The following IGSF9B variants were observed in gnomAD, a reference collection of about 807,000 sequenced individuals.
The protein encoded by IGSF9B is immunoglobulin superfamily member 9B.
A neutral mutation model predicts 143.7 loss-of-function variants in IGSF9B; 48 were observed. The observed-to-expected ratio is 0.33, with a 90% CI of 0.26 to 0.42. IGSF9B has a LOEUF of 0.42. Among genes scored for constraint, IGSF9B ranks in the 20% least tolerant of loss-of-function variants. The probability of loss-of-function intolerance (pLI) is 1.00; values close to 1 mark genes in which losing one functional copy is unlikely to be tolerated. For missense variants in IGSF9B, 1,706 were observed against 1,980.0 expected (o/e 0.86, Z 2.63); for synonymous variants, 903 against 833.1 (o/e 1.08, Z -1.44).
intron 3 of IGSF9B, 39 bp from the exon 4 acceptor site, chr11:133,938,000 G>C: frequency 6.2e-7 from 1 of 1,605,166 alleles, no homozygotes; most frequent in Non-Finnish European, 8.5e-7. Context: ...CACGCCATCA[G>C]CCACATCGCT....
In IGSF9B at chr11:133,922,232, A is replaced by G. The variant is rs899093772; in HGVS notation, c.2282-10T>C. On this transcript the variant is annotated splice_polypyrimidine_tract_variant and intron_variant, in intron 16 of 19. Coordinates refer to ENST00000533871, the MANE Select transcript of IGSF9B (RefSeq NM_001277285.4). ...ATGGAGAGTGGAGGGTCTGGAAGGA[A>G]AGAGAAGGGGAGAGGCTGCTGAGGC... 2.5e-6 allele frequency: 4 copies of G among 1,611,918 alleles called. No homozygotes were observed. Among genetic ancestry groups the G allele is most frequent in the Non-Finnish European group, 3.4e-6 (4 of 1,178,976 alleles).
intron 18 of IGSF9B, 104 bp downstream of exon 18, chr11:133,919,638 A>ACGAGCCCTGTCGC (rs1555086789): frequency 9.2e-6 from 7 of 763,480 alleles, no homozygotes; most frequent in Non-Finnish European, 1.3e-5. Context: ...GCATGTCCGC[A>ACGAGCCCTGTCGC]CGAGCCCTGT....
At chr11:133,954,530 T>C (rs1468061208) in intron 1 of IGSF9B, among the ~76,000 whole-genome samples, 1 of 152,172 alleles carries the variant, frequency 6.6e-6, no homozygotes, top group Non-Finnish European at 1.5e-5. Flanking sequence ...GAGAAAATAA[T>C]GTTAATGTTT....
chr11:133,946,170 C>A lies in IGSF9B; in HGVS notation c.153G>T (p.Val51=). 6.2e-7 allele frequency: 1 copy of A among 1,613,602 alleles called. No individual in the cohort carries two copies. The highest frequency in any genetic ancestry group is 8.5e-7 in the Non-Finnish European group (1 of 1,179,786). The change falls in exon 2 of 20, where the codon GTG becomes GTT. Residue 51 remains valine, a synonymous_variant. Transcript: ENST00000533871. ...VVLRCDVIHP[V]TGQPPPYVVE... ...CGACATAGGGTGGGGGCTGTCCCGT[C>A]ACTGGGTGGATCACGTCGCATCGCA...
At chr11:133,924,957 G>A in intron 14 of IGSF9B, 53 bp from the exon 15 acceptor site, 1 of 1,458,296 alleles carries the variant, frequency 6.9e-7, no homozygotes, top group Non-Finnish European at 9.6e-7. Context: ...GATGACCACT[G>A]TCCCCTCACA....
rs750016443 is a variant in IGSF9B at position 133,919,970 on chromosome 11, G to A, written c.3755C>T (p.Thr1252Met). ...PAAVSFSRKS[T>M]PSTGSPSQSS... ...CTGGGAGGGGGAGCCTGTGGACGGCGTAGACTTTCGAGAAAAGCTGACTGC... is the reference window on the plus strand; with the variant it reads ...CTGGGAGGGGGAGCCTGTGGACGGCATAGACTTTCGAGAAAAGCTGACTGC... Residue 1252 changes from threonine to methionine, a missense_variant, in exon 18 of 20, where the codon ACG (threonine) becomes ATG (methionine). By Grantham distance (81) the Thr-to-Met change is moderately conservative. Coordinates refer to ENST00000533871, the MANE Select transcript of IGSF9B (RefSeq NM_001277285.4). 63 of 1,571,008 alleles carry A rather than the reference G, an allele frequency of 4.0e-5. No homozygotes were observed. The highest frequency in any genetic ancestry group is 4.9e-5 in the Non-Finnish European group (57 of 1,158,992).
In IGSF9B at chr11:133,931,920, G is replaced by A; in HGVS notation, c.1111-125C>T. 1 of 1,491,434 alleles carries A rather than the reference G, an allele frequency of 6.7e-7. No individual in the cohort carries two copies. Among genetic ancestry groups the A allele is most frequent in the Non-Finnish European group, 9.0e-7 (1 of 1,109,100 alleles). The allele number at this position is 1,491,434 out of a possible 1,614,324, so 92.4% of individuals were successfully genotyped here. ...CAGGAGCTCCAGCCCGGGGCGGGCG[G>A]CACCCGCAGACCCCTACAGAAGCAG... is the stretch of plus-strand genomic sequence containing the variant. On this transcript the variant is annotated intron_variant, in intron 8 of 19. Transcript: ENST00000533871. The surrounding 1 kb of genome is among the most constrained non-coding windows in gnomAD (Gnocchi z 7.7).
Position 133,946,089 on chromosome 11 carries a change from G to A in IGSF9B, c.234C>T (p.Tyr78=), listed in dbSNP as rs1011931934. 1.9e-6 allele frequency: 3 copies of A among 1,599,146 alleles called. No individual in the cohort carries two copies. The Admixed American group carries it at 5.1e-5, about 27-fold the overall frequency. The part of the protein sequence containing the change: ...PIPIFIKFGY[Y]PPHVDPEYAG... Reference sequence around the variant, plus strand: ...CATACTCAGGGTCCACGTGCGGCGGGTAGTAGCCAAACTTGATGAAGATAG... The same window carrying A: ...CATACTCAGGGTCCACGTGCGGCGGATAGTAGCCAAACTTGATGAAGATAG... Residue 78 remains tyrosine (Y), a synonymous_variant, in exon 2 of 20, where the codon TAC becomes TAT. Transcript: ENST00000533871.
In IGSF9B at chr11:133,909,269, C is replaced by T. The variant is rs1939264503; in HGVS notation, c.4114G>A (p.Ala1372Thr). The change falls in exon 20 of 20, where the codon GCC becomes ACC. Residue 1372 changes from alanine (A) to threonine (T), a missense_variant. Ala to Thr is a moderately conservative substitution (Grantham distance 58). This residue lies in a region of IGSF9B where 880 missense variants were observed against 762.9 expected (regional missense o/e 1.15). Transcript: ENST00000533871. The surrounding 1 kb of genome is among the most constrained non-coding windows in gnomAD (Gnocchi z 4.2). ...TTGGGAAGCTGCTGAGTCTGGGAGG[C>T]AGAATCGTCTAGGAAGAAAGGAAGA... ...SKSKKRSDDS[A>T]SQTQQLPNSQ... The T allele has an allele frequency of 6.5e-7, 1 of 1,535,584 alleles. No individual in the cohort carries two copies. The highest frequency in any genetic ancestry group is 1.4e-5 in the African/African-American group (1 of 73,014).
chr11:133,943,710 A>G (rs972800743), intron 3 of IGSF9B, among the ~76,000 whole-genome samples: 8 of 152,220 alleles, frequency 5.3e-5, no homozygotes, highest in Admixed American at 5.2e-4. Context: ...TCTGCTTGCC[A>G]GTGTTTATCC....
chr11:133,920,323 C>A lies in IGSF9B; in HGVS notation c.3402G>T (p.Gln1134His). ...RPMQPLVSQG[Q>H]LRHTSQGMGI... is the part of the protein sequence containing the mutation. ...CCATGCCTTGGCTTGTATGTCGCAGCTGCCCTTGGCTTACCAGAGGTTGCA... is the reference window on the plus strand; with the variant it reads ...CCATGCCTTGGCTTGTATGTCGCAGATGCCCTTGGCTTACCAGAGGTTGCA... Residue 1134 changes from glutamine (Q) to histidine (H), a missense_variant, in exon 18 of 20, where the codon CAG becomes CAT. By Grantham distance (24) the Gln-to-His change is conservative (BLOSUM62 0). Around this residue, in one of 7 missense-constraint regions of IGSF9B, gnomAD observed 880 missense variants for 762.9 expected, o/e 1.15. Transcript: ENST00000533871. The A allele has an allele frequency of 6.3e-7, 1 of 1,583,286 alleles. No individual in the cohort carries two copies. Among genetic ancestry groups the A allele is most frequent in the South Asian group, 1.1e-5 (1 of 87,868 alleles).
At chr11:133,942,831 G>A (rs1012832823) in intron 3 of IGSF9B, among the ~76,000 whole-genome samples, 7 of 152,156 alleles carry the variant, frequency 4.6e-5, no homozygotes, top group Non-Finnish European at 7.4e-5. Context: ...TTTCAAATAT[G>A]CTTCAATCAG....
chr11:133,931,951 T>C lies in IGSF9B; in HGVS notation c.1110+120A>G. Reference sequence around the variant, plus strand: ...GCAGACCCCTACAGAAGCAGCTCTCTGTTTGCCCAGGGCTTTTGGAAGGGG... The same window carrying C: ...GCAGACCCCTACAGAAGCAGCTCTCCGTTTGCCCAGGGCTTTTGGAAGGGG... On this transcript the variant is annotated intron_variant, in intron 8 of 19. Transcript: ENST00000533871. The surrounding 1 kb of genome is among the most constrained non-coding windows in gnomAD (Gnocchi z 7.7). 1 of 1,495,104 alleles carries C rather than the reference T, an allele frequency of 6.7e-7. No homozygotes were observed. The highest frequency in any genetic ancestry group is 2.3e-5 in the Admixed American group (1 of 42,994). The allele number at this position is 1,495,104 out of a possible 1,614,324, so 92.6% of individuals were successfully genotyped here. A position where few individuals can be genotyped will look rare whatever the true frequency, so the allele number is the denominator to read the frequency against.
In IGSF9B at chr11:133,919,971, T is replaced by C; in HGVS notation, c.3754A>G (p.Thr1252Ala). The C allele has an allele frequency of 2.5e-6, 4 of 1,572,078 alleles. No homozygotes were observed. Among genetic ancestry groups the C allele is most frequent in the Non-Finnish European group, 3.4e-6 (4 of 1,159,512 alleles). The change falls in exon 18 of 20, where the codon ACG (threonine) becomes GCG (alanine). Residue 1252 changes from threonine to alanine, a missense_variant. Thr to Ala is a moderately conservative substitution (Grantham distance 58). Around this residue, in one of 7 missense-constraint regions of IGSF9B, gnomAD observed 880 missense variants for 762.9 expected, o/e 1.15. Coordinates refer to ENST00000533871, the MANE Select transcript of IGSF9B (RefSeq NM_001277285.4). ...TGGGAGGGGGAGCCTGTGGACGGCGTAGACTTTCGAGAAAAGCTGACTGCA... is the reference window on the plus strand; with the variant it reads ...TGGGAGGGGGAGCCTGTGGACGGCGCAGACTTTCGAGAAAAGCTGACTGCA... ...PAAVSFSRKS[T>A]PSTGSPSQSS...
At chr11:133,946,442 CCT>C in intron 1 of IGSF9B, 184 bp from the exon 2 acceptor site, 2 of 609,176 alleles carry the variant, frequency 3.3e-6, no homozygotes, top group East Asian at 5.5e-5. Flanking sequence ...CTCATACCTC[CCT>C]CTGTCCTGGG....
At position 133,956,956 on chromosome 11, in the gene IGSF9B, C is replaced by A; in HGVS notation, c.-202G>T. On this transcript the variant is annotated 5_prime_UTR_variant, in exon 1 of 20. Transcript: ENST00000533871. Reference sequence around the variant, plus strand: ...GCGCGCCTCCCCGGCCCCGGCGCAGCGGCACCTGCACTACTCGCCCGGGCG... The same window carrying A: ...GCGCGCCTCCCCGGCCCCGGCGCAGAGGCACCTGCACTACTCGCCCGGGCG... 2.6e-6 allele frequency: 1 copy of A among 377,846 alleles called. No homozygotes were observed. The highest frequency in any genetic ancestry group is 4.6e-5 in the Admixed American group (1 of 21,742). 23.4% of individuals were successfully genotyped at this position (377,846 alleles called of 1,614,324 possible). A position where few individuals can be genotyped will look rare whatever the true frequency, so the allele number is the denominator to read the frequency against.
intron 18 of IGSF9B, chr11:133,912,341 A>G (rs1307141064): frequency 2.0e-6 from 1 of 497,486 alleles, no homozygotes; most frequent in Non-Finnish European, 3.9e-6. Context: ...CAGAGACAGA[A>G]GTAGGCTGAA....
rs1939475265 is a variant in IGSF9B at position 133,919,760 on chromosome 11, G to A, written c.3965C>T (p.Pro1322Leu). 7 of 1,473,076 alleles carry A rather than the reference G, an allele frequency of 4.8e-6. No individual in the cohort carries two copies. The highest frequency in any genetic ancestry group is 2.4e-5 in the East Asian group (1 of 41,812). 91.3% of individuals were successfully genotyped at this position (1,473,076 alleles called of 1,614,324 possible). The change falls in exon 18 of 20, where the codon CCC (proline) becomes CTC (leucine). Residue 1322 changes from proline to leucine, a missense_variant. Physicochemically the swap from Pro to Leu is moderately conservative, Grantham distance 98. Around this residue, in one of 7 missense-constraint regions of IGSF9B, gnomAD observed 880 missense variants for 762.9 expected, o/e 1.15. Coordinates refer to ENST00000533871, the MANE Select transcript of IGSF9B (RefSeq NM_001277285.4). ...EELLRPETPP[P>L]TLPTSGTLPP... ...CACTCACCCTGAAGTAGGTAACGTG[G>A]GTGGTGGGGTCTCCGGTCGGAGCAA...
intron 1 of IGSF9B, 67 bp downstream of exon 1, chr11:133,956,600 GGGGGCCAAGGAGCCGGGAAACCGA>G: frequency 1.2e-6 from 1 of 867,614 alleles, no homozygotes; most frequent in Non-Finnish European, 1.8e-6. Context: ...TGGGGAACCG[GGGGGCCAAGGAGCCGGGAAACCGA>G]GGGGCCGGGC....
Sources: gnomAD v4.1 joint callset for allele counts (sites outside exome capture counted in the v4.1 genomes callset) on GRCh38, gnomAD v4.1.1 for gene constraint, gnomAD v4.1.1 regional missense constraint, Gnocchi (gnomAD v3.1) non-coding constraint, MANE v1.5 for transcripts, NCBI Gene and HGNC (gene_info 2026-07-23, HGNC 2026-07-21) for gene names.